The following DYM variants were observed in gnomAD, a reference collection of about 807,000 sequenced individuals.
DYM encodes the protein dymeclin.
A neutral mutation model predicts 93.1 loss-of-function variants in DYM; 78 were observed. That is an observed-to-expected ratio of 0.84 (90% CI 0.70 to 1.01). The LOEUF (loss-of-function observed/expected upper bound fraction) is 1.01. Ranked by LOEUF, DYM falls within the 50% of genes least tolerant of loss-of-function variation. The pLI is 0.00. For synonymous variants in DYM, 321 were observed against 319.7 expected (o/e 1.00, Z -0.04); for missense variants, 789 against 845.0 (o/e 0.93, Z 0.82).
intron 2 of DYM, among the ~76,000 whole-genome samples, chr18:49,428,471 G>A (rs1340419142): frequency 1.3e-5 from 2 of 152,028 alleles, no homozygotes; most frequent in Non-Finnish European, 2.9e-5. Flanking sequence ...AATCACTTGA[G>A]GTCAGGGGTT....
At chr18:49,218,505 G>A (rs1176421327) in intron 13 of DYM, among the ~76,000 whole-genome samples, 3 of 152,200 alleles carry the variant, frequency 2.0e-5, no homozygotes, top group South Asian at 2.1e-4. Flanking sequence ...ATAGTTGGAA[G>A]TAGAGCTCTC....
chr18:49,236,348 C>T (rs2093861004), intron 13 of DYM, among the ~76,000 whole-genome samples: 1 of 151,950 alleles, frequency 6.6e-6, no homozygotes, highest in Non-Finnish European at 1.5e-5. Flanking sequence ...GGTGTGGTGG[C>T]AGGCGCCTGT....
chr18:49,072,006 G>A (rs2076931053), intron 17 of DYM, among the ~76,000 whole-genome samples: 1 of 152,178 alleles, frequency 6.6e-6, no homozygotes, highest in Non-Finnish European at 1.5e-5. Flanking sequence ...GTTGCACACT[G>A]CACTCAACAG....
chr18:49,098,670 C>A (rs2079808377), intron 16 of DYM, among the ~76,000 whole-genome samples: 1 of 152,196 alleles, frequency 6.6e-6, no homozygotes, highest in Non-Finnish European at 1.5e-5. Flanking sequence ...TTGCAAGCTG[C>A]TTATTTTGTC....
chr18:49,245,192 C>G (rs1024879673), intron 13 of DYM, among the ~76,000 whole-genome samples: 4 of 152,120 alleles, frequency 2.6e-5, no homozygotes, highest in Admixed American at 2.0e-4. Context: ...GGATGTATGT[C>G]ACTTCGGGAT....
chr18:49,444,271 G>A (rs1211630624), intron 1 of DYM, among the ~76,000 whole-genome samples: 1 of 152,084 alleles, frequency 6.6e-6, no homozygotes. Flanking sequence ...ATCCTGACGC[G>A]TCCTGCCACG....
chr18:49,135,038 G>A (rs1037088141), intron 15 of DYM, among the ~76,000 whole-genome samples: 1 of 152,108 alleles, frequency 6.6e-6, no homozygotes, highest in Non-Finnish European at 1.5e-5. Context: ...AATCCGGGAG[G>A]CGGAGGTTGC....
intron 14 of DYM, among the ~76,000 whole-genome samples, chr18:49,164,436 A>G (rs1453063770): frequency 2.0e-5 from 3 of 152,216 alleles, no homozygotes; most frequent in Non-Finnish European, 4.4e-5. Context: ...TGAGCCCCAT[A>G]ATGGTGAGCT....
intron 1 of DYM, among the ~76,000 whole-genome samples, chr18:49,455,678 G>A (rs576171493): frequency 1.4e-4 from 21 of 152,266 alleles, no homozygotes; most frequent in African/African-American, 4.6e-4. Context: ...GAGGCCAGGC[G>A]CAGTGGCTCC....
intron 17 of DYM, among the ~76,000 whole-genome samples, chr18:49,070,370 A>G (rs1202236196): frequency 6.6e-6 from 1 of 152,154 alleles, no homozygotes; most frequent in African/African-American, 2.4e-5. Flanking sequence ...TGCACAGTGA[A>G]GGTGAAATAA....
At chr18:49,170,815 G>A (rs1338592796) in intron 14 of DYM, among the ~76,000 whole-genome samples, 1 of 139,566 alleles carries the variant, frequency 7.2e-6, no homozygotes, top group Non-Finnish European at 1.5e-5. Flanking sequence ...AAAAGCAACT[G>A]TGGGAAACAC....
chr18:49,080,419 CT>C (rs2077802493), intron 17 of DYM, among the ~76,000 whole-genome samples: 1 of 131,922 alleles, frequency 7.6e-6, no homozygotes, highest in Admixed American at 7.2e-5. Flanking sequence ...GACGGGGTGG[CT>C]GGCCCGGCAG....
At chr18:49,093,655 G>A (rs1455322145) in intron 17 of DYM, among the ~76,000 whole-genome samples, 1 of 152,162 alleles carries the variant, frequency 6.6e-6, no homozygotes, top group Admixed American at 6.5e-5. Context: ...AGAGATACAC[G>A]AGGAGTGTGG....
chr18:49,393,214 C>T (rs2069604973), intron 2 of DYM, among the ~76,000 whole-genome samples: 1 of 151,852 alleles, frequency 6.6e-6, no homozygotes, highest in African/African-American at 2.4e-5. Context: ...AATTAGGACC[C>T]TTGTGCACTG....
At position 49,333,767 on chromosome 18, in the gene DYM, C is replaced by T. The variant is rs764376489; in HGVS notation, c.581G>A (p.Arg194Gln). 23 of 1,613,920 alleles carry T rather than the reference C, an allele frequency of 1.4e-5. No individual in the cohort carries two copies. The highest frequency in any genetic ancestry group is 2.2e-5 in the East Asian group (1 of 44,858). The change falls in exon 7 of 18, where the codon CGA becomes CAA. Residue 194 changes from arginine (R) to glutamine (Q), a missense_variant. This residue lies in a region of DYM where 450 missense variants were observed against 436.2 expected (regional missense o/e 1.03). Coordinates refer to ENST00000675505, the MANE Select transcript of DYM (RefSeq NM_001353214.3). ...CAAATACTTGTGGCTGATGCTCTGT[C>T]GCAAAACTTCTTTGTGGAAGAGTTG... is the stretch of plus-strand genomic sequence containing the variant. ...SCQLFHKEVL[R>Q]QSISHKYLMR...
At chr18:49,439,723 G>T (rs1012718596) in intron 1 of DYM, among the ~76,000 whole-genome samples, 2 of 152,038 alleles carry the variant, frequency 1.3e-5, no homozygotes, top group Non-Finnish European at 2.9e-5. Flanking sequence ...TTGGTAACAG[G>T]CCAGGAACTG....
Position 49,102,494 on chromosome 18 carries a change from C to A in DYM, c.1912-4979G>T, listed in dbSNP as rs552243464. ...GGTTAGTTACATATGTATACATGTG[C>A]CATGTTTGTGTGCTGCACCCACTAA... On this transcript the variant is annotated intron_variant, in intron 16 of 17. Transcript: ENST00000675505. 2.3e-4 allele frequency among the ~76,000 whole-genome samples: 35 copies of A among 152,148 alleles called. 1 individual carries two copies. The highest frequency in any genetic ancestry group is 5.2e-4 in the Admixed American group (8 of 15,278).
chr18:49,319,191 C>G (rs1288691606), intron 8 of DYM, among the ~76,000 whole-genome samples: 1 of 152,178 alleles, frequency 6.6e-6, no homozygotes. Flanking sequence ...CAACTGCTCT[C>G]TTAAAGCTAA....
chr18:49,154,956 A>G (rs1298802624), intron 15 of DYM, among the ~76,000 whole-genome samples: 2 of 152,242 alleles, frequency 1.3e-5, no homozygotes, highest in South Asian at 4.1e-4. Flanking sequence ...TACATGCTAT[A>G]AAGTATTTTT....
Sources: allele counts gnomAD v4.1 joint callset (sites outside exome capture counted in the v4.1 genomes callset), GRCh38; gene constraint gnomAD v4.1.1; regional missense constraint gnomAD v4.1.1; transcripts MANE v1.5; gene names NCBI Gene and HGNC (gene_info 2026-07-23, HGNC 2026-07-21).